Variants in ZFHX3 observed in about 807,000 individuals in gnomAD.
The protein encoded by ZFHX3 is zinc finger homeobox protein 3.
ZFHX3 carries 42 observed loss-of-function variants against 279.1 expected under a neutral mutation model. The ratio of observed to expected loss-of-function variants is 0.15; its 90% CI spans 0.12 to 0.19. The LOEUF is 0.19. Ranked by LOEUF, ZFHX3 falls within the 10% of genes least tolerant of loss-of-function variation. The probability of loss-of-function intolerance (pLI) is 1.00; values close to 1 mark genes in which losing one functional copy is unlikely to be tolerated. For missense variants in ZFHX3, 4,981 were observed against 4,754.0 expected, an observed-to-expected ratio of 1.05 and a Z score of -1.40; for synonymous variants, 2,293 against 1,957.8, an observed-to-expected ratio of 1.17 and a Z score of -4.52.
chr16:73,415,042 G>A (rs768041457), intron 3 of ZFHX3, among the ~76,000 whole-genome samples: 28 of 152,174 alleles, frequency 1.8e-4, no homozygotes, highest in Non-Finnish European at 1.2e-4. Flanking sequence ...ATTCCTGGGT[G>A]TCTAGCCCAA....
chr16:73,567,401 TATAGAAG>T (rs1277834738), intron 2 of ZFHX3, among the ~76,000 whole-genome samples: 1 of 152,210 alleles, frequency 6.6e-6, no homozygotes, highest in African/African-American at 2.4e-5. Flanking sequence ...CCTCTGAACT[TATAGAAG>T]ATGGAGAACA....
At chr16:73,811,767 G>A (rs758082261) in intron 1 of ZFHX3, among the ~76,000 whole-genome samples, 57 of 152,014 alleles carry the variant, frequency 3.7e-4, no homozygotes, top group Non-Finnish European at 5.7e-4. Context: ...TAATAGGCAG[G>A]AGACTACCTA....
intron 2 of ZFHX3, among the ~76,000 whole-genome samples, chr16:73,619,371 C>T (rs576590790): frequency 1.1e-3 from 172 of 151,674 alleles, no homozygotes; most frequent in African/African-American, 4.1e-3. Context: ...ACCTATAGTC[C>T]CAGCTACTCG....
chr16:73,428,647 C>T (rs1386307331), intron 3 of ZFHX3, among the ~76,000 whole-genome samples: 1 of 151,964 alleles, frequency 6.6e-6, no homozygotes, highest in African/African-American at 2.4e-5. Context: ...CTGTTGCCTT[C>T]CTCCTCCCTC....
At position 73,207,822 on chromosome 16, in the gene ZFHX3, C is replaced by A. The variant is rs147186537; in HGVS notation, c.-1104+49225G>T. 1.6e-3 allele frequency among the ~76,000 whole-genome samples: 249 copies of A among 152,230 alleles called. 4 individuals carry two copies. In the South Asian group the frequency reaches 0.027, roughly 17 times the overall value. ...AGACAGAGAGAAAACCCAGTACTGGCCTGGAGAAGTGAAATAGCCACTCTA... is the reference window on the plus strand; with the variant it reads ...AGACAGAGAGAAAACCCAGTACTGGACTGGAGAAGTGAAATAGCCACTCTA... On this transcript the variant is annotated intron_variant, in intron 5 of 17. Coordinates refer to the ZFHX3 transcript ENST00000641206.
intron 2 of ZFHX3, chr16:73,610,221 T>G (rs2052231641): frequency 6.6e-6 from 1 of 152,170 alleles, no homozygotes; most frequent in Non-Finnish European, 1.5e-5. Flanking sequence ...AAATAGCGAT[T>G]CAGGGATTAA....
At position 72,787,551 on chromosome 16, in the gene ZFHX3, A is replaced by G. The variant is rs907445327; in HGVS notation, c.10725T>C (p.Ser3575=). The change falls in exon 10 of 10, where the codon TCT becomes TCC. Residue 3575 remains serine, a synonymous_variant. Transcript: ENST00000268489. Reference sequence around the variant, plus strand: ...CGGTGCTAGGATCGGGGAAGCAGGCAGAGTGAGGTAATAAACTAGGGTGCT... The same window carrying G: ...CGGTGCTAGGATCGGGGAAGCAGGCGGAGTGAGGTAATAAACTAGGGTGCT... ...AKEHPSLLPH[S]ACFPDPSTAS... is the part of the protein sequence containing the mutation. The G allele has an allele frequency of 3.7e-6, 6 of 1,613,914 alleles. No homozygotes were observed. Among genetic ancestry groups the G allele is most frequent in the Admixed American group, 3.3e-5 (2 of 59,990 alleles).
At chr16:73,857,451 C>A (rs754867025) in intron 1 of ZFHX3, among the ~76,000 whole-genome samples, 4 of 152,260 alleles carry the variant, frequency 2.6e-5, no homozygotes, top group South Asian at 2.1e-4. Flanking sequence ...CATAAAGTAA[C>A]CCCACTTGTT....
At chr16:73,351,996 A>G (rs1271496966) in intron 3 of ZFHX3, among the ~76,000 whole-genome samples, 1 of 152,250 alleles carries the variant, frequency 6.6e-6, no homozygotes, top group East Asian at 1.9e-4. Flanking sequence ...CATTTCTAGG[A>G]TATCCAAATA....
intron 2 of ZFHX3, among the ~76,000 whole-genome samples, chr16:73,502,404 A>G (rs1302947445): frequency 6.6e-6 from 1 of 152,222 alleles, no homozygotes; most frequent in Non-Finnish European, 1.5e-5. Flanking sequence ...TCCTTGCCCC[A>G]GTAATTGACC....
chr16:73,259,293 A>G (rs1328502388), intron 4 of ZFHX3, among the ~76,000 whole-genome samples: 1 of 152,006 alleles, frequency 6.6e-6, no homozygotes, highest in Non-Finnish European at 1.5e-5. Flanking sequence ...ACTAAATTAC[A>G]CTCCCTCCAA....
At chr16:73,097,234 T>TA (rs1481618615) in intron 7 of ZFHX3, among the ~76,000 whole-genome samples, 1 of 147,776 alleles carries the variant, frequency 6.8e-6, no homozygotes, top group South Asian at 2.2e-4. Context: ...AATTTTAATT[T>TA]TTTTTTTTTT....
In ZFHX3 at chr16:73,105,418, CATAT is replaced by C. The variant is rs758485554; in HGVS notation, c.-896-11824_-896-11821del. 4.5e-4 allele frequency among the ~76,000 whole-genome samples: 41 copies of C among 91,062 alleles called. 1 individual carries two copies. Among genetic ancestry groups the C allele is most frequent in the Admixed American group, 3.5e-3 (32 of 9,078 alleles). The allele number at this position is 91,062 out of a possible 152,430, so 59.7% of individuals were successfully genotyped here. On this transcript the variant is annotated intron_variant, in intron 7 of 17. Transcript: ENST00000641206. The stretch of plus-strand genomic sequence containing the variant: ...ACATATATATATATATACACACACA[CATAT>C]ATATATATATACACACACACACATA...
At chr16:73,281,539 A>G (rs890727573) in intron 4 of ZFHX3, among the ~76,000 whole-genome samples, 1 of 152,226 alleles carries the variant, frequency 6.6e-6, no homozygotes, top group Non-Finnish European at 1.5e-5. Flanking sequence ...TGTAGCTAAC[A>G]ATACTGTGCC....
intron 1 of ZFHX3, among the ~76,000 whole-genome samples, chr16:73,757,320 C>T (rs1242749953): frequency 6.6e-6 from 1 of 152,194 alleles, no homozygotes; most frequent in Non-Finnish European, 1.5e-5. Context: ...GCAACCCTAA[C>T]TCTGCAATAC....
chr16:73,375,222 C>T (rs1373968874), intron 3 of ZFHX3, among the ~76,000 whole-genome samples: 1 of 152,152 alleles, frequency 6.6e-6, no homozygotes, highest in Non-Finnish European at 1.5e-5. Context: ...TTGATCTGTG[C>T]ATTTCAATCG....
At chr16:73,743,778 C>T (rs1427794701) in intron 1 of ZFHX3, among the ~76,000 whole-genome samples, 4 of 152,130 alleles carry the variant, frequency 2.6e-5, no homozygotes, top group African/African-American at 7.2e-5. Flanking sequence ...GTATTCCACG[C>T]TGTCACCTGG....
intron 1 of ZFHX3, among the ~76,000 whole-genome samples, chr16:73,688,769 G>A (rs1056297466): frequency 6.6e-6 from 1 of 152,184 alleles, no homozygotes; most frequent in Admixed American, 6.5e-5. Flanking sequence ...GGAGGGACCA[G>A]GTGGGAGATA....
rs116599661 is a variant in ZFHX3, at chr16:73,178,430, C to T, written c.-1103-34599G>A. Among the ~76,000 whole-genome samples the T allele has an allele frequency of 7.0e-3, 1,059 of 152,228 alleles. 21 individuals carry two copies. The highest frequency in any genetic ancestry group is 0.023 in the African/African-American group (971 of 41,548). Reference sequence around the variant, plus strand: ...CTGGGATCGCAGGCGTGAGCCACCGCGCCTGACCATAGATGACATTTCTTT... The same window carrying T: ...CTGGGATCGCAGGCGTGAGCCACCGTGCCTGACCATAGATGACATTTCTTT... On this transcript the variant is annotated intron_variant, in intron 5 of 17. Transcript: ENST00000641206.
Sources: allele counts gnomAD v4.1 joint callset (sites outside exome capture counted in the v4.1 genomes callset), GRCh38; gene constraint gnomAD v4.1.1; transcripts MANE v1.5; gene names NCBI Gene and HGNC (gene_info 2026-07-23, HGNC 2026-07-21).